DGKH: variants seen among roughly 807,000 people sequenced by gnomAD.
DGKH encodes the protein diacylglycerol kinase eta.
In DGKH, 90 loss-of-function variants were observed where a neutral mutation model predicts 159.3. The ratio of observed to expected loss-of-function variants is 0.57; its 90% CI spans 0.48 to 0.67. The LOEUF (loss-of-function observed/expected upper bound fraction) is 0.67. Ranked by LOEUF, DGKH falls within the 30% of genes least tolerant of loss-of-function variation. The pLI, the probability that DGKH is intolerant of heterozygous loss-of-function variation, is 0.00. For synonymous variants in DGKH, 536 were observed against 553.8 expected (o/e 0.97, Z 0.45); for missense variants, 1,181 against 1,506.1 (o/e 0.78, Z 3.57).
intron 3 of DGKH, among the ~76,000 whole-genome samples, chr13:42,144,173 A>G (rs955898831): frequency 1.3e-5 from 2 of 152,174 alleles, no homozygotes; most frequent in African/African-American, 2.4e-5. Flanking sequence ...TTTATGTTCC[A>G]TAACCTCCTT....
chr13:42,244,721 G>A (rs1468847481), downstream of DGKH, among the ~76,000 whole-genome samples: 1 of 151,380 alleles, frequency 6.6e-6, no homozygotes, highest in Non-Finnish European at 1.5e-5. Context: ...TGGCTAAAAC[G>A]GGGAAACCCC....
At chr13:42,209,516 T>G in intron 23 of DGKH, 51 bp downstream of exon 23, 1 of 1,484,214 alleles carries the variant, frequency 6.7e-7, no homozygotes, top group Non-Finnish European at 9.0e-7. Flanking sequence ...TTAAAGAATC[T>G]GAAATTGTTA....
At chr13:42,215,493 T>G (rs968040042) in intron 25 of DGKH, 82 bp from the exon 26 acceptor site, 1 of 1,074,684 alleles carries the variant, frequency 9.3e-7, no homozygotes, top group African/African-American at 1.6e-5. Flanking sequence ...ATTTAAATTA[T>G]AAGAATAAAA....
intron 1 of DGKH, among the ~76,000 whole-genome samples, chr13:42,079,514 TAAAG>T (rs1451271098): frequency 2.0e-5 from 3 of 152,136 alleles, no homozygotes; most frequent in Non-Finnish European, 4.4e-5. Context: ...GGGATATTCT[TAAAG>T]AAACCTCTAG....
chr13:42,165,153 C>T (rs1301648427), intron 7 of DGKH, among the ~76,000 whole-genome samples, 178 bp from the exon 8 acceptor site: 1 of 152,016 alleles, frequency 6.6e-6, no homozygotes. Context: ...ATCAAATTTC[C>T]ATTTCTAAAA....
At chr13:42,047,781 T>C (rs1056507228), upstream of DGKH, among the ~76,000 whole-genome samples, 1 of 152,158 alleles carries the variant, frequency 6.6e-6, no homozygotes, top group Non-Finnish European at 1.5e-5. Context: ...TCTCGGGTAC[T>C]GGTGTTCGCA....
At position 42,239,578 on chromosome 13, in the gene DGKH, T is replaced by G. The variant is rs1958479417; in HGVS notation, c.*10390T>G. 1 of 152,662 alleles carries G rather than the reference T, an allele frequency of 6.6e-6. No individual in the cohort carries two copies. Among genetic ancestry groups the G allele is most frequent in the Admixed American group, 6.5e-5 (1 of 15,290 alleles). 9.5% of individuals were successfully genotyped at this position (152,662 alleles called of 1,614,324 possible). A position where few individuals can be genotyped will look rare whatever the true frequency, so the allele number is the denominator to read the frequency against. On this transcript the variant is annotated 3_prime_UTR_variant, in exon 30 of 30. Coordinates refer to ENST00000337343, the MANE Select transcript of DGKH (RefSeq NM_178009.5). ...AGTTGCAGTAAAGTGTTGATTTCAT[T>G]GCTGCCTTTCAGGCCTTCATCATAC...
chr13:42,071,982 A>G lies in DGKH; in HGVS notation c.192+23017A>G, dbSNP rs532368389. 2.0e-5 allele frequency among the ~76,000 whole-genome samples: 3 copies of G among 152,256 alleles called. No individual in the cohort carries two copies. In the East Asian group the frequency reaches 5.8e-4, roughly 29 times the overall value. ...CAGTACATTTTATTTCCTTTTCCCT[A>G]TCGTAAAGACCCTGGCATCACTACT... On this transcript the variant is annotated intron_variant, in intron 1 of 29. Transcript: ENST00000337343.
In DGKH at chr13:42,155,298, C is replaced by T. The variant is rs765623382; in HGVS notation, c.392C>T (p.Thr131Ile). 1.9e-6 allele frequency: 3 copies of T among 1,593,380 alleles called. No individual in the cohort carries two copies. The highest frequency in any genetic ancestry group is 2.6e-6 in the Non-Finnish European group (3 of 1,174,736). Residue 131 changes from threonine to isoleucine, a missense_variant, in exon 4 of 30, where the codon ACT (threonine) becomes ATT (isoleucine). Transcript: ENST00000337343. ...KNANNSFTIITPFRRLMLCAE... is the reference protein window; with the variant it reads ...KNANNSFTIIIPFRRLMLCAE... ...TTGAATTATCCCTTTCAGATCATCA[C>T]TCCATTCAGAAGGCTAATGCTGTGT...
chr13:42,139,075 T>C (rs1227225110), intron 3 of DGKH, among the ~76,000 whole-genome samples: 1 of 152,190 alleles, frequency 6.6e-6, no homozygotes, highest in African/African-American at 2.4e-5. Context: ...TATAGCATCT[T>C]TTCCAAGACT....
At chr13:42,219,093 C>G in intron 26 of DGKH, 137 bp from the exon 27 acceptor site, 1 of 1,093,130 alleles carries the variant, frequency 9.1e-7, no homozygotes, top group Non-Finnish European at 1.3e-6. Flanking sequence ...TTATTCTTCT[C>G]TTAATATTCC....
At chr13:42,151,601 ACACACACACACACC>A (rs1211609487) in intron 3 of DGKH, among the ~76,000 whole-genome samples, 93 of 130,902 alleles carry the variant, frequency 7.1e-4, no homozygotes, top group Non-Finnish European at 1.4e-3. Flanking sequence ...ACACACACAC[ACACACACACACACC>A]CCATGGAAAA....
chr13:42,239,844 C>T lies in DGKH; in HGVS notation c.*10656C>T, dbSNP rs1327763140. ...CCTCTTTCTTCCTTTTTAGTATCCTCACCAACCTTCCCTCTGTTGACTTTT... is the reference window on the plus strand; with the variant it reads ...CCTCTTTCTTCCTTTTTAGTATCCTTACCAACCTTCCCTCTGTTGACTTTT... On this transcript the variant is annotated 3_prime_UTR_variant, in exon 30 of 30. Transcript: ENST00000337343. 6.6e-6 allele frequency: 1 copy of T among 152,212 alleles called. No homozygotes were observed. The highest frequency in any genetic ancestry group is 1.5e-5 in the Non-Finnish European group (1 of 68,040). The allele number at this position is 152,212 out of a possible 1,614,324, so 9.4% of individuals were successfully genotyped here.
chr13:42,198,638 GTTTT>G, intron 18 of DGKH, 43 bp downstream of exon 18: 11 of 1,168,300 alleles, frequency 9.4e-6, no homozygotes, highest in Non-Finnish European at 1.2e-5. Flanking sequence ...GGTTTTTCTT[GTTTT>G]TTTTTTTTTT....
chr13:42,040,374 G>A (rs1038672813), intron 1 of DGKH, among the ~76,000 whole-genome samples: 3 of 152,060 alleles, frequency 2.0e-5, no homozygotes, highest in Non-Finnish European at 4.4e-5. Context: ...GGCCCCGGGG[G>A]AGGCCGCTCC....
intron 29 of DGKH, among the ~76,000 whole-genome samples, chr13:42,249,296 C>A (rs890757990): frequency 1.3e-5 from 2 of 152,104 alleles, no homozygotes; most frequent in East Asian, 3.9e-4. Flanking sequence ...ACCGATTGAG[C>A]CCGGGAGGAC....
chr13:42,122,924 T>G (rs1950796814), intron 1 of DGKH, among the ~76,000 whole-genome samples: 1 of 152,220 alleles, frequency 6.6e-6, no homozygotes, highest in Admixed American at 6.5e-5. Context: ...TTATAATTAC[T>G]TTAGCCAAAT....
intron 26 of DGKH, among the ~76,000 whole-genome samples, chr13:42,218,209 A>G (rs920790790): frequency 1.3e-5 from 2 of 152,202 alleles, no homozygotes; most frequent in Non-Finnish European, 2.9e-5. Context: ...ATCTTTATTC[A>G]TTTATTGAAC....
Position 42,168,428 on chromosome 13 carries a change from T to G in DGKH, c.1119-12T>G. The G allele has an allele frequency of 6.2e-7, 1 of 1,608,022 alleles. No individual in the cohort carries two copies. Among genetic ancestry groups the G allele is most frequent in the Non-Finnish European group, 8.5e-7 (1 of 1,175,966 alleles). Reference sequence around the variant, plus strand: ...TTTCTTTATACTAAAATAAAATCCTTTTTGCTTTCAGTTTAAGATTATTTC... The same window carrying G: ...TTTCTTTATACTAAAATAAAATCCTGTTTGCTTTCAGTTTAAGATTATTTC... On this transcript the variant is annotated splice_polypyrimidine_tract_variant and intron_variant, in intron 9 of 29. Transcript: ENST00000337343.
Sources: gnomAD v4.1 joint callset for allele counts (sites outside exome capture counted in the v4.1 genomes callset) on GRCh38, gnomAD v4.1.1 for gene constraint, MANE v1.5 for transcripts, NCBI Gene and HGNC (gene_info 2026-07-23, HGNC 2026-07-21) for gene names.